The following MAGI2 variants were observed in gnomAD, a reference collection of about 807,000 sequenced individuals.
MAGI2 encodes membrane associated guanylate kinase, WW and PDZ domain containing 2.
MAGI2 carries 35 observed loss-of-function variants against 133.3 expected under a neutral mutation model. That is an observed-to-expected ratio of 0.26 (90% CI 0.20 to 0.35). The LOEUF (loss-of-function observed/expected upper bound fraction) is 0.35. Ranked by LOEUF, MAGI2 falls within the 10% of genes least tolerant of loss-of-function variation. The pLI, the probability that MAGI2 is intolerant of heterozygous loss-of-function variation, is 1.00. For synonymous variants in MAGI2, 729 were observed against 710.6 expected (o/e 1.03, Z -0.41); for missense variants, 1,636 against 1,863.4 (o/e 0.88, Z 2.25).
At position 78,161,745 on chromosome 7, in the gene MAGI2, A is replaced by C. The variant is rs117837596; in HGVS notation, c.2597-1472T>G. Among the ~76,000 whole-genome samples the C allele has an allele frequency of 4.7e-3, 705 of 151,396 alleles. 5 individuals carry two copies. Among genetic ancestry groups the C allele is most frequent in the Non-Finnish European group, 6.5e-3 (443 of 67,896 alleles). ...TAGATTTTAAAAAATGGCCTAACCA[A>C]AATATACTAATTTCTTGTTTGCAAT... is the stretch of plus-strand genomic sequence containing the variant. On this transcript the variant is annotated intron_variant, in intron 15 of 21. Transcript: ENST00000354212.
intron 4 of MAGI2, 48 bp downstream of exon 4, chr7:78,521,382 A>G: frequency 2.9e-6 from 4 of 1,391,624 alleles, no homozygotes; most frequent in Non-Finnish European, 4.1e-6. Context: ...TATATCTTAG[A>G]TCTAAAACAG....
At chr7:78,327,114 T>C (rs751761880) in intron 9 of MAGI2, among the ~76,000 whole-genome samples, 3 of 152,186 alleles carry the variant, frequency 2.0e-5, no homozygotes, top group Non-Finnish European at 4.4e-5. Context: ...TGTCAGCTCC[T>C]GCCACATTGG....
At chr7:79,338,260 T>A (rs887907339) in intron 1 of MAGI2, among the ~76,000 whole-genome samples, 6 of 152,120 alleles carry the variant, frequency 3.9e-5, no homozygotes, top group Non-Finnish European at 5.9e-5. Flanking sequence ...CTGTTGCAGG[T>A]GCATCTGCCT....
rs764406800 is a variant in MAGI2 at position 78,127,338 on chromosome 7, G to A, written c.3282C>T (p.Pro1094=). 17 of 1,610,958 alleles carry A rather than the reference G, an allele frequency of 1.1e-5. No homozygotes were observed. Among genetic ancestry groups the A allele is most frequent in the Admixed American group, 1.7e-5 (1 of 59,966 alleles). ...CTGGGGGTTGCCTGTAATCCAGCGGGGGCTGCCTGTAGTCTGTGAATGGAG... is the reference window on the plus strand; with the variant it reads ...CTGGGGGTTGCCTGTAATCCAGCGGAGGCTGCCTGTAGTCTGTGAATGGAG... ...RQPPFTDYRQ[P]PLDYRQPPGG... The change falls in exon 19 of 22, where the codon CCC becomes CCT. Residue 1094 remains proline (P), a synonymous_variant. Coordinates refer to ENST00000354212, the MANE Select transcript of MAGI2 (RefSeq NM_012301.4).
intron 1 of MAGI2, among the ~76,000 whole-genome samples, chr7:79,405,257 C>T (rs1015669477): frequency 1.3e-5 from 2 of 152,202 alleles, no homozygotes; most frequent in Middle Eastern, 3.4e-3. Context: ...GTTCTTGACA[C>T]AGCCATGCAA....
At chr7:78,426,314 G>C (rs755430873) in intron 6 of MAGI2, among the ~76,000 whole-genome samples, 4 of 152,128 alleles carry the variant, frequency 2.6e-5, no homozygotes, top group Non-Finnish European at 5.9e-5. Flanking sequence ...GTAGGGACAT[G>C]GATGAAATCG....
At chr7:78,041,320 G>A (rs3823806) in intron 21 of MAGI2, among the ~76,000 whole-genome samples, 17,900 of 152,174 alleles carry the variant, frequency 0.12, 1,225 homozygotes, top group South Asian at 0.18. Context: ...GGAAATTCTT[G>A]AGGTTAGGAG....
At chr7:78,581,426 A>C (rs1472653158) in intron 3 of MAGI2, among the ~76,000 whole-genome samples, 1 of 152,218 alleles carries the variant, frequency 6.6e-6, no homozygotes, top group African/African-American at 2.4e-5. Flanking sequence ...TAATACCACC[A>C]GGGTGGGTAC....
At chr7:79,347,406 T>C (rs1042849226) in intron 1 of MAGI2, among the ~76,000 whole-genome samples, 5 of 151,944 alleles carry the variant, frequency 3.3e-5, no homozygotes, top group Admixed American at 2.6e-4. Context: ...ATTCTTTCTG[T>C]GTTATCTTTT....
rs1407611066 is a variant in MAGI2 at position 78,521,523 on chromosome 7, C to T, written c.661G>A (p.Val221Met). The T allele has an allele frequency of 3.7e-6, 6 of 1,614,042 alleles. No homozygotes were observed. In the Admixed American group the frequency reaches 8.3e-5, roughly 22 times the overall value. The change falls in exon 4 of 22, where the codon GTG (valine) becomes ATG (methionine). Residue 221 changes from valine (V) to methionine (M), a missense_variant. Around this residue, in one of 5 missense-constraint regions of MAGI2, gnomAD observed 165 missense variants for 128.4 expected, o/e 1.28. Coordinates refer to ENST00000354212, the MANE Select transcript of MAGI2 (RefSeq NM_012301.4). The part of the protein sequence containing the change: ...AEGKRKRNKS[V>M]SNMEKASIEP... ...ATACTGGCTTTCTCCATGTTGCTCACTGATTTATTCCTCTTCCGTTTTCCT... is the reference window on the plus strand; with the variant it reads ...ATACTGGCTTTCTCCATGTTGCTCATTGATTTATTCCTCTTCCGTTTTCCT...
intron 9 of MAGI2, among the ~76,000 whole-genome samples, chr7:78,306,642 C>T (rs1321189493): frequency 6.6e-6 from 1 of 152,138 alleles, no homozygotes; most frequent in Non-Finnish European, 1.5e-5. Context: ...AATTTCAGCA[C>T]CAAATGACTG....
chr7:78,503,586 C>T (rs1406001833), intron 4 of MAGI2, among the ~76,000 whole-genome samples: 3 of 95,086 alleles, frequency 3.2e-5, no homozygotes, highest in Non-Finnish European at 4.4e-5. Flanking sequence ...CCCCCTCCTC[C>T]TCCTCCCCCT....
At chr7:78,127,565 A>G (rs1474761938) in intron 18 of MAGI2, 149 bp from the exon 19 acceptor site, 1 of 622,596 alleles carries the variant, frequency 1.6e-6, no homozygotes, top group Non-Finnish European at 2.8e-6. Flanking sequence ...GATTATGAGA[A>G]GGTTAAATAT....
intron 2 of MAGI2, among the ~76,000 whole-genome samples, chr7:78,779,157 C>T (rs993836204): frequency 3.6e-4 from 55 of 152,272 alleles, no homozygotes; most frequent in African/African-American, 1.0e-3. Context: ...CTGCCTGCTT[C>T]GGCATCCCAA....
chr7:78,075,664 C>G (rs539076792), intron 21 of MAGI2, among the ~76,000 whole-genome samples: 1 of 152,198 alleles, frequency 6.6e-6, no homozygotes, highest in Non-Finnish European at 1.5e-5. Flanking sequence ...GCGTGAGCCA[C>G]CACACCTGCT....
At chr7:79,318,739 T>C (rs1838938713) in intron 1 of MAGI2, among the ~76,000 whole-genome samples, 1 of 152,182 alleles carries the variant, frequency 6.6e-6, no homozygotes, top group African/African-American at 2.4e-5. Context: ...ACAAAGACCA[T>C]TTCTCACACG....
At chr7:78,133,562 T>A (rs1821788200) in intron 17 of MAGI2, among the ~76,000 whole-genome samples, 1 of 152,194 alleles carries the variant, frequency 6.6e-6, no homozygotes, top group Admixed American at 6.5e-5. Context: ...CTCCACACTT[T>A]TCCAGAAAGA....
chr7:78,337,847 T>C (rs1348809383), intron 9 of MAGI2, among the ~76,000 whole-genome samples: 2 of 152,152 alleles, frequency 1.3e-5, no homozygotes, highest in Non-Finnish European at 2.9e-5. Context: ...GAATTCAGCC[T>C]ATTCAAATTT....
At chr7:79,440,845 G>C (rs1848448583) in intron 1 of MAGI2, among the ~76,000 whole-genome samples, 1 of 152,198 alleles carries the variant, frequency 6.6e-6, no homozygotes, top group African/African-American at 2.4e-5. Flanking sequence ...TAAGGAGCCA[G>C]TAGCTTTTCC....
Sources: allele counts gnomAD v4.1 joint callset (sites outside exome capture counted in the v4.1 genomes callset), GRCh38; gene constraint gnomAD v4.1.1; regional missense constraint gnomAD v4.1.1; transcripts MANE v1.5; gene names NCBI Gene and HGNC (gene_info 2026-07-23, HGNC 2026-07-21).